SMG6: variants seen among roughly 807,000 people sequenced by gnomAD.
The protein encoded by SMG6 is telomerase-binding protein EST1A.
In SMG6, 66 loss-of-function variants were observed where a neutral mutation model predicts 142.2. The ratio of observed to expected loss-of-function variants is 0.46; its 90% CI spans 0.38 to 0.57. The LOEUF is 0.57. Among genes scored for constraint, SMG6 ranks in the 20% least tolerant of loss-of-function variants. The pLI is 0.00. For synonymous variants in SMG6, 779 were observed against 702.4 expected, an observed-to-expected ratio of 1.11 and a Z score of -1.72; for missense variants, 1,793 against 1,832.0, an observed-to-expected ratio of 0.98 and a Z score of 0.39.
chr17:2,089,952 G>C (rs1183030983), intron 13 of SMG6, among the ~76,000 whole-genome samples: 1 of 152,082 alleles, frequency 6.6e-6, no homozygotes, highest in Non-Finnish European at 1.5e-5. Context: ...GGGAGGCCAA[G>C]GTGGGCAGAT....
At chr17:2,064,933 C>G in intron 18 of SMG6, 140 bp downstream of exon 18, 1 of 647,040 alleles carries the variant, frequency 1.5e-6, no homozygotes, top group East Asian at 2.8e-5. Flanking sequence ...GGTTGGGCCT[C>G]AGGCATACAT....
chr17:2,087,389 G>A, intron 13 of SMG6: 1 of 1,187,192 alleles, frequency 8.4e-7, no homozygotes, highest in Non-Finnish European at 1.1e-6. Context: ...CTCTGTGGCT[G>A]CATCCTCTGC....
intron 10 of SMG6, 109 bp downstream of exon 10, chr17:2,236,383 G>GGGGGT (rs2073652961): frequency 9.3e-7 from 1 of 1,074,946 alleles, no homozygotes; most frequent in Admixed American, 2.2e-5. Flanking sequence ...GTGTGTGTTC[G>GGGGGT]GGGGTGGGGT....
At chr17:2,130,506 G>GGACT (rs2070085007) in intron 13 of SMG6, among the ~76,000 whole-genome samples, 1 of 151,482 alleles carries the variant, frequency 6.6e-6, no homozygotes, top group Admixed American at 6.6e-5. Flanking sequence ...ACAGAACAGA[G>GGACT]GACTAGGAAA....
intron 13 of SMG6, among the ~76,000 whole-genome samples, chr17:2,157,049 A>G (rs2071029499): frequency 6.6e-6 from 1 of 152,194 alleles, no homozygotes; most frequent in African/African-American, 2.4e-5. Flanking sequence ...TTTGTGCTAG[A>G]GACCCTCCCT....
chr17:2,215,212 AACAC>A (rs148183711), intron 10 of SMG6, among the ~76,000 whole-genome samples: 3 of 150,996 alleles, frequency 2.0e-5, no homozygotes, highest in Non-Finnish European at 4.4e-5. Context: ...GTACATTATA[AACAC>A]ACACACACGC....
chr17:2,203,995 G>A (rs1040260432), intron 10 of SMG6, among the ~76,000 whole-genome samples: 6 of 152,006 alleles, frequency 3.9e-5, no homozygotes, highest in African/African-American at 1.4e-4. Flanking sequence ...ATGGGGTCTT[G>A]CTCTGTTGCC....
chr17:2,066,282 GTA>G (rs920079629), intron 16 of SMG6, among the ~76,000 whole-genome samples: 15 of 149,578 alleles, frequency 1.0e-4, no homozygotes, highest in Admixed American at 7.3e-4. Context: ...CTGTGTGCGT[GTA>G]TGTGTCTGTG....
chr17:2,286,692 G>A (rs1248049278), intron 6 of SMG6, among the ~76,000 whole-genome samples: 1 of 152,006 alleles, frequency 6.6e-6, no homozygotes, highest in Non-Finnish European at 1.5e-5. Context: ...CCTTGGATTT[G>A]GTAATGGTTT....
At chr17:2,064,595 A>G (rs978807850) in intron 18 of SMG6, among the ~76,000 whole-genome samples, 2 of 152,142 alleles carry the variant, frequency 1.3e-5, no homozygotes, top group African/African-American at 4.8e-5. Flanking sequence ...CCAGGCCTGA[A>G]ATAGGGTAAA....
intron 18 of SMG6, among the ~76,000 whole-genome samples, 158 bp downstream of exon 18, chr17:2,064,915 G>A (rs2067894197): frequency 1.3e-5 from 2 of 151,692 alleles, no homozygotes; most frequent in African/African-American, 4.8e-5. Context: ...GGGGAGCCAG[G>A]ACAGGGAGGT....
rs771260160 is a variant in SMG6 at position 2,186,769 on chromosome 17, G to C, written c.3049C>G (p.Pro1017Ala). 5 of 1,614,176 alleles carry C rather than the reference G, an allele frequency of 3.1e-6. No homozygotes were observed. In the South Asian group the frequency reaches 5.5e-5, roughly 18 times the overall value. ...QDDIKVSSFV[P>A]DLKELLPSVK... Reference sequence around the variant, plus strand: ...CTGGGGAGCAGCTCCTTCAGGTCCGGGACAAAGGAAGACACCTTGATGTCG... The same window carrying C: ...CTGGGGAGCAGCTCCTTCAGGTCCGCGACAAAGGAAGACACCTTGATGTCG... The change falls in exon 12 of 19, where the codon CCG becomes GCG. Residue 1017 changes from proline (P) to alanine (A), a missense_variant. Around this residue, in one of 3 missense-constraint regions of SMG6, gnomAD observed 1,597 missense variants for 1,584.6 expected, o/e 1.01. Transcript: ENST00000263073.
At chr17:2,105,272 G>A (rs937943820) in intron 13 of SMG6, among the ~76,000 whole-genome samples, 4 of 151,786 alleles carry the variant, frequency 2.6e-5, no homozygotes, top group Admixed American at 6.6e-5. Flanking sequence ...TCAGCCGGGC[G>A]TGGTGGCTCA....
chr17:2,297,208 A>G (rs1257609975), intron 4 of SMG6, 35 bp downstream of exon 4: 17 of 1,474,034 alleles, frequency 1.2e-5, no homozygotes, highest in Non-Finnish European at 1.6e-5. Flanking sequence ...TACGAAATGA[A>G]TGAAAATTTA....
At chr17:2,209,239 T>C (rs924604569) in intron 10 of SMG6, among the ~76,000 whole-genome samples, 2 of 151,940 alleles carry the variant, frequency 1.3e-5, no homozygotes, top group Non-Finnish European at 2.9e-5. Flanking sequence ...TGAGATGGAG[T>C]CTCCCCTCTA....
rs769885937 is a variant in SMG6 at position 2,300,081 on chromosome 17, C to T, written c.672G>A (p.Glu224=). ...GGTCGTCGTGGGTTTCCCTCACCCC[C>T]TCCCCTTTTCCCATCCTCTTTCCTT... ...GEKGKRMGKG[E]GVRETHDDPA... The change falls in exon 2 of 19, where the codon GAG becomes GAA. Residue 224 remains glutamate (E), a synonymous_variant. Transcript: ENST00000263073. The T allele has an allele frequency of 9.3e-6, 15 of 1,614,146 alleles. No individual in the cohort carries two copies. The South Asian group carries it at 1.6e-4, about 18-fold the overall frequency.
chr17:2,074,457 G>A (rs1239728148), intron 15 of SMG6, among the ~76,000 whole-genome samples: 3 of 152,204 alleles, frequency 2.0e-5, no homozygotes, highest in Non-Finnish European at 4.4e-5. Flanking sequence ...GCAGGAGGAG[G>A]AGCATCTTCA....
chr17:2,194,790 G>A (rs1303985776), intron 10 of SMG6, among the ~76,000 whole-genome samples: 1 of 152,144 alleles, frequency 6.6e-6, no homozygotes, highest in Non-Finnish European at 1.5e-5. Flanking sequence ...AAGACTGCTG[G>A]AGCAGGTCAA....
intron 13 of SMG6, among the ~76,000 whole-genome samples, chr17:2,119,471 G>C (rs1020787870): frequency 1.3e-5 from 2 of 151,944 alleles, no homozygotes; most frequent in African/African-American, 2.4e-5. Context: ...TGGGATTATA[G>C]GCATTAGTCA....
Sources: gnomAD v4.1 joint callset for allele counts (sites outside exome capture counted in the v4.1 genomes callset) on GRCh38, gnomAD v4.1.1 for gene constraint, gnomAD v4.1.1 regional missense constraint, MANE v1.5 for transcripts, NCBI Gene and HGNC (gene_info 2026-07-23, HGNC 2026-07-21) for gene names.